The following DDX19B variants were observed in gnomAD, a reference collection of about 807,000 sequenced individuals.
The protein encoded by DDX19B is DEAD-box helicase 19B.
DDX19B carries 27 observed loss-of-function variants against 58.1 expected under a neutral mutation model. The ratio of observed to expected loss-of-function variants is 0.46; its 90% CI spans 0.34 to 0.64. The LOEUF is 0.64. Ranked by LOEUF, DDX19B falls within the 30% of genes least tolerant of loss-of-function variation. The pLI is 0.01. For missense variants in DDX19B, 399 were observed against 596.5 expected (o/e 0.67, Z 3.45); for synonymous variants, 187 against 214.4 (o/e 0.87, Z 1.12).
chr16:70,309,049 T>G (rs76428340), intron 1 of DDX19B, among the ~76,000 whole-genome samples: 13,243 of 152,136 alleles, frequency 0.087, 579 homozygotes, highest in Middle Eastern at 0.11. Flanking sequence ...TTCTTTTTTT[T>G]TTTGTTTGTT....
chr16:70,324,435 T>C, intron 5 of DDX19B, 150 bp from the exon 6 acceptor site: 1 of 540,942 alleles, frequency 1.8e-6, no homozygotes, highest in Non-Finnish European at 3.2e-6. Context: ...ATCTTATTTC[T>C]ATAGTGCCCT....
At chr16:70,324,744 T>G in intron 6 of DDX19B, 57 bp downstream of exon 6, 1 of 1,523,176 alleles carries the variant, frequency 6.6e-7, no homozygotes, top group Non-Finnish European at 9.0e-7. Context: ...GGGATTTCCA[T>G]TTGATGGATT....
rs1026400851 is a variant in DDX19B at position 70,325,575 on chromosome 16, G to T, written c.494G>T (p.Cys165Phe). The change falls in exon 7 of 12, where the codon TGT (cysteine) becomes TTT (phenylalanine). Residue 165 changes from cysteine to phenylalanine, a missense_variant and splice_region_variant. Physicochemically the swap from Cys to Phe is radical, Grantham distance 205. Around this residue, in one of 4 missense-constraint regions of DDX19B, gnomAD observed 67 missense variants for 74.3 expected, o/e 0.90. Coordinates refer to ENST00000288071, the MANE Select transcript of DDX19B (RefSeq NM_007242.7). ...CACTCTGCATTCTTTTCCTGCCAGT[G>T]TCTATGTCTCTCCCCAACGTATGAG... Reference protein sequence around the residue: ...QVEPANKYPQCLCLSPTYELA... With the variant: ...QVEPANKYPQFLCLSPTYELA... 2.2e-5 allele frequency: 35 copies of T among 1,611,438 alleles called. No homozygotes were observed. The highest frequency in any genetic ancestry group is 3.4e-5 in the Admixed American group (2 of 59,604).
intron 1 of DDX19B, among the ~76,000 whole-genome samples, chr16:70,309,941 C>G (rs750739127): frequency 6.6e-6 from 1 of 151,416 alleles, no homozygotes; most frequent in African/African-American, 2.4e-5. Flanking sequence ...TGTTCTTGGA[C>G]TTAGAGGGAC....
At chr16:70,308,204 C>T (rs1331425105) in intron 1 of DDX19B, among the ~76,000 whole-genome samples, 5 of 151,890 alleles carry the variant, frequency 3.3e-5, no homozygotes, top group African/African-American at 7.3e-5. Context: ...CCACCTGCCT[C>T]GGCCTCCCAA....
chr16:70,334,670 C>G lies in DDX19B; in HGVS notation c.*1088C>G, dbSNP rs1414771949. The G allele has an allele frequency of 6.6e-6, 1 of 152,184 alleles. No homozygotes were observed. Among genetic ancestry groups the G allele is most frequent in the Non-Finnish European group, 1.5e-5 (1 of 68,038 alleles). The allele number at this position is 152,184 out of a possible 1,614,324, so 9.4% of individuals were successfully genotyped here. A position where few individuals can be genotyped will look rare whatever the true frequency, so the allele number is the denominator to read the frequency against. Reference sequence around the variant, plus strand: ...GCCTTTGGAATACAAACAGGTGCAACTGAGGGACTAGCTACACTACCACCA... The same window carrying G: ...GCCTTTGGAATACAAACAGGTGCAAGTGAGGGACTAGCTACACTACCACCA... On this transcript the variant is annotated 3_prime_UTR_variant, in exon 12 of 12. Transcript: ENST00000288071.
rs182114050 is a variant in DDX19B, at chr16:70,315,621, C to T, written c.161-348C>T. 3.5e-5 allele frequency: 6 copies of T among 170,706 alleles called. No individual in the cohort carries two copies. The Admixed American group carries it at 3.6e-4, about 10-fold the overall frequency. The allele number at this position is 170,706 out of a possible 1,614,324, so 10.6% of individuals were successfully genotyped here. A position where few individuals can be genotyped will look rare whatever the true frequency, so the allele number is the denominator to read the frequency against. On this transcript the variant is annotated intron_variant, in intron 3 of 11. Transcript: ENST00000288071. Reference sequence around the variant, plus strand: ...TATTAAGGTACAGACTTTGTTAATTCCTGTTTTTTTTTTTATTGTTGTGAT... The same window carrying T: ...TATTAAGGTACAGACTTTGTTAATTTCTGTTTTTTTTTTTATTGTTGTGAT...
upstream of DDX19B, among the ~76,000 whole-genome samples, chr16:70,296,930 A>C (rs571629698): frequency 1.3e-4 from 20 of 151,994 alleles, no homozygotes; most frequent in Middle Eastern, 0.01. Flanking sequence ...TTATGTATTT[A>C]TTTGAGACAG....
At chr16:70,304,321 A>G (rs1961638824) in intron 1 of DDX19B, among the ~76,000 whole-genome samples, 2 of 148,442 alleles carry the variant, frequency 1.3e-5, no homozygotes, top group Non-Finnish European at 3.0e-5. Flanking sequence ...TACAGGCGTG[A>G]GCCACCGTGC....
At chr16:70,324,547 T>G in intron 5 of DDX19B, 38 bp from the exon 6 acceptor site, 35 of 1,572,418 alleles carry the variant, frequency 2.2e-5, no homozygotes, top group Non-Finnish European at 3.0e-5. Flanking sequence ...ACTAAAAGGT[T>G]GAGATTTAAG....
upstream of DDX19B, among the ~76,000 whole-genome samples, chr16:70,296,544 G>C (rs1392687830): frequency 2.6e-5 from 4 of 152,016 alleles, no homozygotes; most frequent in Non-Finnish European, 5.9e-5. Flanking sequence ...ATACGGTCCT[G>C]CAACTTGGGC....
At chr16:70,310,298 T>C (rs907830653) in intron 1 of DDX19B, among the ~76,000 whole-genome samples, 2 of 151,340 alleles carry the variant, frequency 1.3e-5, no homozygotes, top group South Asian at 2.1e-4. Context: ...GGAGAATCGT[T>C]TGAACCCAGG....
intron 11 of DDX19B, 96 bp downstream of exon 11, chr16:70,333,255 T>C (rs1268499155): frequency 4.3e-6 from 3 of 698,198 alleles, no homozygotes; most frequent in South Asian, 1.9e-5. Flanking sequence ...AGAGAGGCTC[T>C]GTCCCTAGCA....
intron 5 of DDX19B, among the ~76,000 whole-genome samples, chr16:70,322,197 A>T (rs930328180): frequency 2.6e-5 from 4 of 152,162 alleles, no homozygotes; most frequent in Non-Finnish European, 4.4e-5. Context: ...GGGCAAAATT[A>T]AAAAAGAAAT....
chr16:70,314,868 G>T, intron 2 of DDX19B, 34 bp from the exon 3 acceptor site: 1 of 1,604,578 alleles, frequency 6.2e-7, no homozygotes, highest in East Asian at 2.3e-5. Flanking sequence ...TATGGGATGC[G>T]ATTTTGAATG....
intron 4 of DDX19B, 132 bp downstream of exon 4, chr16:70,316,236 G>A (rs1215650112): frequency 3.1e-6 from 4 of 1,300,582 alleles, no homozygotes; most frequent in Non-Finnish European, 4.2e-6. Context: ...TCGAGACAGA[G>A]TCTCACTCTG....
chr16:70,329,473 G>C lies in DDX19B; in HGVS notation c.785+4G>C. 7 of 1,613,710 alleles carry C rather than the reference G, an allele frequency of 4.3e-6. No homozygotes were observed. Among genetic ancestry groups the C allele is most frequent in the Non-Finnish European group, 5.9e-6 (7 of 1,179,706 alleles). ...ATCAGAGCATCCGCATCCAGAGGTA[G>C]GGATCTCGAGGGTGGGGGACTCCTC... On this transcript the variant is annotated splice_donor_region_variant and intron_variant, in intron 8 of 11. Coordinates refer to ENST00000288071, the MANE Select transcript of DDX19B (RefSeq NM_007242.7).
At chr16:70,317,689 A>G in intron 5 of DDX19B, 101 bp downstream of exon 5, 1 of 992,962 alleles carries the variant, frequency 1.0e-6, no homozygotes, top group Non-Finnish European at 1.5e-6. Flanking sequence ...CTATAATCCC[A>G]GCAACCTGAG....
intron 7 of DDX19B, among the ~76,000 whole-genome samples, chr16:70,328,392 CTCAG>C (rs1398416441): frequency 4.7e-5 from 6 of 127,362 alleles, no homozygotes; most frequent in Admixed American, 1.8e-4. Context: ...GAGACAGAGT[CTCAG>C]TCTGTCTCCG....
Sources: allele counts gnomAD v4.1 joint callset (sites outside exome capture counted in the v4.1 genomes callset), GRCh38; gene constraint gnomAD v4.1.1; regional missense constraint gnomAD v4.1.1; transcripts MANE v1.5; gene names NCBI Gene and HGNC (gene_info 2026-07-23, HGNC 2026-07-21).